LMOD1: variants seen among roughly 807,000 people sequenced by gnomAD.
The protein encoded by LMOD1 is leiomodin 1.
In LMOD1, 8 loss-of-function variants were observed where a neutral mutation model predicts 36.5. The ratio of observed to expected loss-of-function variants is 0.22; its 90% CI spans 0.13 to 0.40. The LOEUF is 0.40. Among genes scored for constraint, LMOD1 ranks in the 10% least tolerant of loss-of-function variants. LMOD1 has a pLI of 1.00. For missense variants in LMOD1, 630 were observed against 751.1 expected, an observed-to-expected ratio of 0.84 and a Z score of 1.88; for synonymous variants, 284 against 288.7, an observed-to-expected ratio of 0.98 and a Z score of 0.17.
chr1:201,912,191 G>A (rs1681506864), intron 1 of LMOD1, among the ~76,000 whole-genome samples: 1 of 152,186 alleles, frequency 6.6e-6, no homozygotes, highest in Non-Finnish European at 1.5e-5. Context: ...GCATGTAGAG[G>A]AAGAGGCTTC....
intron 1 of LMOD1, among the ~76,000 whole-genome samples, chr1:201,937,532 G>T (rs936775685): frequency 1.2e-4 from 18 of 152,114 alleles, no homozygotes; most frequent in African/African-American, 4.3e-4. Flanking sequence ...GGGAGATTGA[G>T]GTGGGCAGAT....
chr1:201,907,416 G>A (rs1277505101), intron 1 of LMOD1, among the ~76,000 whole-genome samples: 2 of 152,152 alleles, frequency 1.3e-5, no homozygotes, highest in Admixed American at 6.5e-5. Context: ...ATTAAGCCTC[G>A]AGGGCAGGCA....
chr1:201,917,949 T>G (rs1372420495), intron 1 of LMOD1, among the ~76,000 whole-genome samples: 1 of 152,254 alleles, frequency 6.6e-6, no homozygotes, highest in African/African-American at 2.4e-5. Flanking sequence ...TTATGGTGTC[T>G]GACCTCTGCA....
At chr1:201,934,649 A>G (rs953434866) in intron 1 of LMOD1, among the ~76,000 whole-genome samples, 5 of 152,206 alleles carry the variant, frequency 3.3e-5, no homozygotes, top group African/African-American at 9.7e-5. Flanking sequence ...TAGATGCTCC[A>G]TCTCCAATCC....
Position 201,898,023 on chromosome 1 carries a change from G to A in LMOD1, c.*349C>T, listed in dbSNP as rs537763660. 7 of 278,160 alleles carry A rather than the reference G, an allele frequency of 2.5e-5. No individual in the cohort carries two copies. The South Asian group carries it at 3.9e-4, about 15-fold the overall frequency. 17.2% of individuals were successfully genotyped at this position (278,160 alleles called of 1,614,324 possible). ...GGGCAGTGGGGCTGGGGTGGATGTG[G>A]TCCCTGTGGGACATCTTTCCTGGAT... is the stretch of plus-strand genomic sequence containing the variant. On this transcript the variant is annotated 3_prime_UTR_variant, in exon 3 of 3. Coordinates refer to ENST00000367288, the MANE Select transcript of LMOD1 (RefSeq NM_012134.3).
chr1:201,938,617 T>C lies in LMOD1; in HGVS notation c.261+7463A>G, dbSNP rs60650045. On this transcript the variant is annotated intron_variant, in intron 1 of 2. Transcript: ENST00000367288. ...TTCCCTGGGAATTTCTGCCTGAGGA[T>C]GTAGCACCTTTCACCTGCCAGTCTC... Among the ~76,000 whole-genome samples, 2,378 of 152,198 alleles carry C rather than the reference T, an allele frequency of 0.016. 143 individuals carry two copies. In the East Asian group the frequency reaches 0.21, roughly 13 times the overall value.
chr1:201,904,697 G>A (rs1309120809), intron 1 of LMOD1, among the ~76,000 whole-genome samples: 2 of 152,228 alleles, frequency 1.3e-5, no homozygotes, highest in Non-Finnish European at 2.9e-5. Flanking sequence ...ATGAAAAACA[G>A]GCTGGGGGTG....
intron 1 of LMOD1, among the ~76,000 whole-genome samples, chr1:201,933,555 T>TAA (rs1158835026): frequency 2.1e-5 from 3 of 142,734 alleles, no homozygotes; most frequent in Non-Finnish European, 4.5e-5. Flanking sequence ...CATATATATA[T>TAA]AATACATATA....
At chr1:201,906,323 G>A (rs1485060351) in intron 1 of LMOD1, among the ~76,000 whole-genome samples, 2 of 152,138 alleles carry the variant, frequency 1.3e-5, no homozygotes, top group East Asian at 3.8e-4. Flanking sequence ...CTTACCACCT[G>A]TCCATCCGCA....
At chr1:201,907,933 G>A (rs1364623811) in intron 1 of LMOD1, among the ~76,000 whole-genome samples, 1 of 152,178 alleles carries the variant, frequency 6.6e-6, no homozygotes, top group Non-Finnish European at 1.5e-5. Context: ...CCGACCAGGG[G>A]ACAAGTTCAC....
intron 1 of LMOD1, among the ~76,000 whole-genome samples, chr1:201,911,243 T>C (rs894694260): frequency 6.6e-6 from 1 of 152,150 alleles, no homozygotes; most frequent in Admixed American, 6.5e-5. Flanking sequence ...CCCGGAAGTT[T>C]CTCCAGCATT....
Position 201,900,606 on chromosome 1 carries a change from C to G in LMOD1, c.407G>C (p.Arg136Thr), listed in dbSNP as rs762564022. The G allele has an allele frequency of 6.2e-7, 1 of 1,613,928 alleles. No individual in the cohort carries two copies. The highest frequency in any genetic ancestry group is 8.5e-7 in the Non-Finnish European group (1 of 1,179,884). ...CTTGCCACCAGCTTCATCTCTGTCT[C>G]TAGAGAAGCTTTTCTTTAAACCACC... ...KRGGLKKSFS[R>T]DRDEAGGKSG... Residue 136 changes from arginine to threonine, a missense_variant, in exon 2 of 3, where the codon AGA becomes ACA. Around this residue, in one of 3 missense-constraint regions of LMOD1, gnomAD observed 405 missense variants for 400.6 expected, o/e 1.01. Transcript: ENST00000367288.
chr1:201,941,712 G>A (rs1396529734), intron 1 of LMOD1, among the ~76,000 whole-genome samples: 1 of 152,336 alleles, frequency 6.6e-6, no homozygotes, highest in East Asian at 1.9e-4. Flanking sequence ...GGCTGTGCAG[G>A]CAGTGGGAGT....
chr1:201,922,847 T>C lies in LMOD1; in HGVS notation c.262-22096A>G, dbSNP rs551776806. On this transcript the variant is annotated intron_variant, in intron 1 of 2. Coordinates refer to ENST00000367288, the MANE Select transcript of LMOD1 (RefSeq NM_012134.3). The stretch of plus-strand genomic sequence containing the variant: ...AAAGGAGTGAATTTTTTTTTTGAGA[T>C]GGAGTCTCACTCTGTCACCCAGGCT... 4.0e-4 allele frequency among the ~76,000 whole-genome samples: 61 copies of C among 152,006 alleles called. 1 individual carries two copies. In the East Asian group the frequency reaches 7.9e-3, roughly 20 times the overall value.
chr1:201,929,268 A>G (rs1282620808), intron 1 of LMOD1, among the ~76,000 whole-genome samples: 3 of 151,462 alleles, frequency 2.0e-5, no homozygotes, highest in Non-Finnish European at 4.4e-5. Context: ...ACGCCCAGCT[A>G]ATTTTTGTAT....
At chr1:201,901,661 T>C (rs1220552932) in intron 1 of LMOD1, among the ~76,000 whole-genome samples, 1 of 96,090 alleles carries the variant, frequency 1.0e-5, no homozygotes, top group Non-Finnish European at 2.1e-5. Context: ...TATATATGTG[T>C]ATATATATAT....
intron 2 of LMOD1, among the ~76,000 whole-genome samples, chr1:201,898,684 C>T (rs1387106604): frequency 1.3e-5 from 2 of 152,094 alleles, no homozygotes; most frequent in Non-Finnish European, 2.9e-5. Flanking sequence ...ACTTTGTCAC[C>T]CAGGCCAGAC....
intron 1 of LMOD1, among the ~76,000 whole-genome samples, chr1:201,914,621 T>C (rs945104883): frequency 6.6e-6 from 1 of 152,028 alleles, no homozygotes; most frequent in African/African-American, 2.4e-5. Flanking sequence ...GCAGACAATC[T>C]CCTCTAATTT....
At chr1:201,940,022 T>G (rs898416818) in intron 1 of LMOD1, among the ~76,000 whole-genome samples, 3 of 152,126 alleles carry the variant, frequency 2.0e-5, no homozygotes, top group Non-Finnish European at 4.4e-5. Context: ...TCCAGCCTTC[T>G]CTGATGCTGG....
Sources: gnomAD v4.1 joint callset for allele counts (sites outside exome capture counted in the v4.1 genomes callset) on GRCh38, gnomAD v4.1.1 for gene constraint, gnomAD v4.1.1 regional missense constraint, MANE v1.5 for transcripts, NCBI Gene and HGNC (gene_info 2026-07-23, HGNC 2026-07-21) for gene names.